ACOX3: variants seen among roughly 807,000 people sequenced by gnomAD.
ACOX3 encodes acyl-CoA oxidase 3, pristanoyl.
A neutral mutation model predicts 81.5 loss-of-function variants in ACOX3; 73 were observed. The observed-to-expected ratio is 0.90, with a 90% confidence interval of 0.74 to 1.09. The LOEUF (loss-of-function observed/expected upper bound fraction) is 1.09, where lower values mean the gene tolerates loss of function less well. Ranked by LOEUF, ACOX3 falls within the 50% of genes least tolerant of loss-of-function variation. The pLI is 0.00. For missense variants in ACOX3, 947 were observed against 928.0 expected (o/e 1.02, Z -0.27); for synonymous variants, 387 against 375.1 (o/e 1.03, Z -0.37).
chr4:8,379,359 A>C (rs543528952), intron 14 of ACOX3, among the ~76,000 whole-genome samples: 317 of 152,036 alleles, frequency 2.1e-3, no homozygotes, highest in Middle Eastern at 0.01. Flanking sequence ...AAGCTCCGCG[A>C]CCCGGGGCAG....
In ACOX3 at chr4:8,423,008, C is replaced by T. The variant is rs775374726; in HGVS notation, c.-14-6473G>A. Among the ~76,000 whole-genome samples the T allele has an allele frequency of 3.3e-5, 5 of 152,158 alleles. No homozygotes were observed. The highest frequency in any genetic ancestry group is 6.5e-5 in the Admixed American group (1 of 15,268). ...AGCCAGCAGCAGGACTGAGGGTGCC[C>T]GGGGCAAGCGCCAGCCCATGCCCCA... On this transcript the variant is annotated intron_variant, in intron 1 of 17. Transcript: ENST00000356406. This position sits in a 1 kb window ranked among gnomAD's most constrained non-coding sequence, Gnocchi z 4.2.
Position 8,414,391 on chromosome 4 carries a change from A to C in ACOX3, c.454-10T>G. The C allele has an allele frequency of 1.9e-6, 3 of 1,612,020 alleles. No homozygotes were observed. In the South Asian group the frequency reaches 3.3e-5, roughly 18 times the overall value. ...CAAAACATCCAAAAATCTAAATGTC[A>C]AAGCACAAAATGATGGAAAGCAAGA... is the stretch of plus-strand genomic sequence containing the variant. On this transcript the variant is annotated splice_polypyrimidine_tract_variant and intron_variant, in intron 4 of 17. Coordinates refer to ENST00000356406, the MANE Select transcript of ACOX3 (RefSeq NM_003501.3). The surrounding 1 kb of genome is among the most constrained non-coding windows in gnomAD (Gnocchi z 6.1).
chr4:8,379,115 G>C (rs973538919), intron 14 of ACOX3, among the ~76,000 whole-genome samples: 1 of 152,228 alleles, frequency 6.6e-6, no homozygotes, highest in African/African-American at 2.4e-5. Context: ...TGTGTCTTCC[G>C]ATTTTGTTTA....
chr4:8,402,851 A>T (rs1270549715), intron 7 of ACOX3, among the ~76,000 whole-genome samples: 4 of 152,260 alleles, frequency 2.6e-5, no homozygotes, highest in Admixed American at 6.5e-5. Flanking sequence ...ACCTCAGCAC[A>T]CACCCCGCGC....
In ACOX3 at chr4:8,410,214, G is replaced by T. The variant is rs1258839394; in HGVS notation, c.685C>A (p.Gln229Lys). 1 of 1,613,844 alleles carries T rather than the reference G, an allele frequency of 6.2e-7. No homozygotes were observed. ...QCHGLHPFIV[Q>K]IRDPKTLLPM... ...TGAGGGCCACCCCAGCGTCCTACCT[G>T]CACGATAAAGGGATGCAGCCCATGG... Residue 229 changes from glutamine (Q) to lysine (K), a missense_variant and splice_region_variant, in exon 6 of 18, where the codon CAG (glutamine) becomes AAG (lysine). Physicochemically the swap from Gln to Lys is moderately conservative, Grantham distance 53. Transcript: ENST00000356406.
rs1370863558 is a variant in ACOX3 at position 8,432,949 on chromosome 4, C to T, written c.-15+7699G>A. 6.6e-6 allele frequency among the ~76,000 whole-genome samples: 1 copy of T among 152,258 alleles called. No individual in the cohort carries two copies. Among genetic ancestry groups the T allele is most frequent in the Non-Finnish European group, 1.5e-5 (1 of 68,040 alleles). On this transcript the variant is annotated intron_variant, in intron 1 of 17. Transcript: ENST00000356406. This position sits in a 1 kb window ranked among gnomAD's most constrained non-coding sequence, Gnocchi z 6.2. ...TAAATCAGTTCCCTAGTTGCACTAG[C>T]TGCACTCAAGTGTGGGTCAGTAGCC...
At chr4:8,369,512 C>T (rs1014948517) in intron 17 of ACOX3, among the ~76,000 whole-genome samples, 2 of 152,206 alleles carry the variant, frequency 1.3e-5, no homozygotes, top group African/African-American at 4.8e-5. Flanking sequence ...AGTGGTCAGT[C>T]CCCGATGCAG....
the ACOX3 span, chr4:8,356,518 T>C: frequency 2.2e-6 from 1 of 449,590 alleles, no homozygotes; most frequent in Non-Finnish European, 4.5e-6. Flanking sequence ...TCACTTTAAG[T>C]GGAAAAAGAT....
intron 11 of ACOX3, among the ~76,000 whole-genome samples, chr4:8,391,834 C>T (rs1719029142): frequency 6.6e-6 from 1 of 152,258 alleles, no homozygotes; most frequent in Non-Finnish European, 1.5e-5. Flanking sequence ...AACCATATAA[C>T]AGCTGCCTCA....
intron 14 of ACOX3, 125 bp from the exon 15 acceptor site, chr4:8,375,277 C>A: frequency 1.0e-6 from 1 of 956,068 alleles, no homozygotes; most frequent in Non-Finnish European, 1.5e-6. Context: ...AGGACAGTAA[C>A]ATAAGGTGAG....
At chr4:8,379,266 G>T (rs528519091) in intron 14 of ACOX3, among the ~76,000 whole-genome samples, 2 of 152,160 alleles carry the variant, frequency 1.3e-5, no homozygotes, top group African/African-American at 2.4e-5. Context: ...CAGGGGAAGG[G>T]GCTGCGTCTC....
At chr4:8,371,056 A>C in intron 16 of ACOX3, 62 bp from the exon 17 acceptor site, 2 of 1,517,890 alleles carry the variant, frequency 1.3e-6, no homozygotes, top group African/African-American at 2.7e-5. Context: ...TGACCAAAGC[A>C]TAACAGCCCC....
chr4:8,377,963 C>A (rs1039827292), intron 14 of ACOX3, among the ~76,000 whole-genome samples: 2 of 152,100 alleles, frequency 1.3e-5, no homozygotes, highest in African/African-American at 4.8e-5. Context: ...CTAGACAGGG[C>A]GGGGCTGGGC....
chr4:8,404,213 C>T (rs372085484), intron 7 of ACOX3, among the ~76,000 whole-genome samples: 1 of 152,232 alleles, frequency 6.6e-6, no homozygotes, highest in Non-Finnish European at 1.5e-5. Flanking sequence ...ACCCTCCATA[C>T]CTGCTACACG....
At chr4:8,359,761 C>T in the ACOX3 span, among the ~76,000 whole-genome samples, 1 of 152,180 alleles carries the variant, frequency 6.6e-6, no homozygotes, top group Admixed American at 6.5e-5. This position sits in a 1 kb window ranked among gnomAD's most constrained non-coding sequence, Gnocchi z 6.0. Flanking sequence ...CTGAGCGCCT[C>T]GCCTTCCCCA....
chr4:8,422,707 G>A (rs1723076458), intron 1 of ACOX3, among the ~76,000 whole-genome samples: 1 of 152,244 alleles, frequency 6.6e-6, no homozygotes, highest in South Asian at 2.1e-4. Flanking sequence ...AAGGAGCCAA[G>A]GCTTGGAGAT....
chr4:8,370,923 G>A lies in ACOX3; in HGVS notation c.1968C>T (p.Gly656=). ...PPDFVLDSPI[G]RADGELYKNL... ...CTCCCTTTACCTCGCCGTCGGCTCT[G>A]CCAATCGGTGAGTCCAGAACAAAGT... The change falls in exon 17 of 18, where the codon GGC becomes GGT. Residue 656 remains glycine, a synonymous_variant. Coordinates refer to ENST00000356406, the MANE Select transcript of ACOX3 (RefSeq NM_003501.3). This position sits in a 1 kb window ranked among gnomAD's most constrained non-coding sequence, Gnocchi z 6.3. 1 of 1,613,878 alleles carries A rather than the reference G, an allele frequency of 6.2e-7. No individual in the cohort carries two copies. The highest frequency in any genetic ancestry group is 2.2e-5 in the East Asian group (1 of 44,880).
chr4:8,399,723 G>T lies in ACOX3; in HGVS notation c.777-71C>A. On this transcript the variant is annotated intron_variant, in intron 7 of 17. Coordinates refer to ENST00000356406, the MANE Select transcript of ACOX3 (RefSeq NM_003501.3). The surrounding 1 kb of genome is among the most constrained non-coding windows in gnomAD (Gnocchi z 4.9). ...GAGGCTCTTCTCTTCTCCAAGGGCA[G>T]CCTAAAAGCTGATGCAATCCCCGAG... 1 of 1,397,224 alleles carries T rather than the reference G, an allele frequency of 7.2e-7. No individual in the cohort carries two copies. Among genetic ancestry groups the T allele is most frequent in the Non-Finnish European group, 1.0e-6 (1 of 990,420 alleles). 86.6% of individuals were successfully genotyped at this position (1,397,224 alleles called of 1,614,324 possible). A position where few individuals can be genotyped will look rare whatever the true frequency, so the allele number is the denominator to read the frequency against.
In ACOX3 at chr4:8,400,065, G is replaced by C. The variant is rs1268181972; in HGVS notation, c.777-413C>G. Among the ~76,000 whole-genome samples the C allele has an allele frequency of 6.6e-6, 1 of 152,028 alleles. No homozygotes were observed. Among genetic ancestry groups the C allele is most frequent in the Non-Finnish European group, 1.5e-5 (1 of 68,024 alleles). The stretch of plus-strand genomic sequence containing the variant: ...AGTTCGAAACCAGCCTGACCAATAT[G>C]GTGAAACCCCGTCTCTACTAAAAAT... On this transcript the variant is annotated intron_variant, in intron 7 of 17. Coordinates refer to ENST00000356406, the MANE Select transcript of ACOX3 (RefSeq NM_003501.3). This position sits in a 1 kb window ranked among gnomAD's most constrained non-coding sequence, Gnocchi z 4.4.
Sources: gnomAD v4.1 joint callset for allele counts (sites outside exome capture counted in the v4.1 genomes callset) on GRCh38, gnomAD v4.1.1 for gene constraint, Gnocchi (gnomAD v3.1) non-coding constraint, MANE v1.5 for transcripts, NCBI Gene and HGNC (gene_info 2026-07-23, HGNC 2026-07-21) for gene names.